Variants in SCML4 observed in about 807,000 individuals in gnomAD.
SCML4 encodes the protein Scm polycomb group protein like 4, also known as sex comb on midleg-like protein 4.
A neutral mutation model predicts 41.1 loss-of-function variants in SCML4; 34 were observed. The ratio of observed to expected loss-of-function variants is 0.83; its 90% CI spans 0.63 to 1.10. SCML4 has a LOEUF of 1.10. SCML4 is among the 50% of genes least tolerant of loss of function. The pLI is 0.00. For synonymous variants in SCML4, 214 were observed against 220.9 expected, an observed-to-expected ratio of 0.97 and a Z score of 0.28; for missense variants, 522 against 534.1, an observed-to-expected ratio of 0.98 and a Z score of 0.22.
At chr6:107,752,202 T>TTTG (rs754815681) in intron 2 of SCML4, among the ~76,000 whole-genome samples, 12 of 152,144 alleles carry the variant, frequency 7.9e-5, no homozygotes, top group East Asian at 5.8e-4. Flanking sequence ...GAGTAGTTTT[T>TTTG]TTGTTGTTGT....
At chr6:107,715,594 A>G (rs1029424617) in intron 6 of SCML4, among the ~76,000 whole-genome samples, 4 of 152,198 alleles carry the variant, frequency 2.6e-5, no homozygotes, top group African/African-American at 9.7e-5. Flanking sequence ...TATATCTTGG[A>G]TGAGAGACAA....
chr6:107,745,167 C>G (rs371356387), intron 4 of SCML4, 24 bp from the exon 5 acceptor site: 91 of 1,523,908 alleles, frequency 6.0e-5, no homozygotes, highest in Admixed American at 1.0e-4. Context: ...GAGATGTCAG[C>G]TTAGAGCCGG....
chr6:107,728,832 G>A (rs1003783648), intron 5 of SCML4, among the ~76,000 whole-genome samples: 1 of 152,192 alleles, frequency 6.6e-6, no homozygotes, highest in African/African-American at 2.4e-5. Context: ...CCAAGCCCCA[G>A]ATGTGGCTCT....
rs868813995 is a variant in SCML4 at position 107,778,246 on chromosome 6, T to C, written c.-59-5860A>G. Among the ~76,000 whole-genome samples the C allele has an allele frequency of 7.3e-5, 4 of 54,636 alleles. 1 individual carries two copies. Among genetic ancestry groups the C allele is most frequent in the African/African-American group, 2.3e-4 (4 of 17,164 alleles). 35.8% of individuals were successfully genotyped at this position (54,636 alleles called of 152,430 possible). A position where few individuals can be genotyped will look rare whatever the true frequency, so the allele number is the denominator to read the frequency against. ...AAATATATATATATATATATATATA[T>C]ATATATATATATATATATAACTTGA... On this transcript the variant is annotated intron_variant, in intron 1 of 7. Transcript: ENST00000369020.
intron 2 of SCML4, among the ~76,000 whole-genome samples, chr6:107,759,172 C>CA (rs1248495537): frequency 6.6e-4 from 72 of 109,516 alleles, no homozygotes; most frequent in Middle Eastern, 8.9e-3. Flanking sequence ...CAAAACAAAA[C>CA]AAAAAAAAAC....
At chr6:107,743,429 T>C (rs1231068514) in intron 5 of SCML4, among the ~76,000 whole-genome samples, 1 of 152,226 alleles carries the variant, frequency 6.6e-6, no homozygotes, top group African/African-American at 2.4e-5. Flanking sequence ...AATGTAACAA[T>C]GAGGCAAGCA....
chr6:107,815,955 ACCTGCCGGACCTGCAGCAGC>A (rs1784526940), intron 1 of SCML4, among the ~76,000 whole-genome samples: 1 of 152,226 alleles, frequency 6.6e-6, no homozygotes, highest in Non-Finnish European at 1.5e-5. Flanking sequence ...CCTTTCTGGA[ACCTGCCGGACCTGCAGCAGC>A]CCTGCCAGGC....
At chr6:107,748,238 T>C (rs1467184088) in intron 3 of SCML4, among the ~76,000 whole-genome samples, 2 of 152,146 alleles carry the variant, frequency 1.3e-5, no homozygotes, top group Non-Finnish European at 2.9e-5. Flanking sequence ...TAATGACCCC[T>C]CTTGTGTATC....
At position 107,720,819 on chromosome 6, in the gene SCML4, G is replaced by A; in HGVS notation, c.857C>T (p.Thr286Ile). ...GGGGCTAGTGCGGGGACCACCAGCG[G>A]TGGCAGCAGGACCACCCCCAAGGTG... The part of the protein sequence containing the change: ...DSHLGGGPAA[T>I]AGGPRTSPMS... The change falls in exon 6 of 8, where the codon ACC becomes ATC. Residue 286 changes from threonine to isoleucine, a missense_variant. Coordinates refer to ENST00000369020, the MANE Select transcript of SCML4 (RefSeq NM_198081.5). The A allele has an allele frequency of 1.2e-6, 2 of 1,614,116 alleles. No homozygotes were observed. Among genetic ancestry groups the A allele is most frequent in the Non-Finnish European group, 1.7e-6 (2 of 1,179,976 alleles).
chr6:107,717,608 C>T lies in SCML4; in HGVS notation c.973+3095G>A, dbSNP rs145675134. Among the ~76,000 whole-genome samples, 860 of 152,222 alleles carry T rather than the reference C, an allele frequency of 5.6e-3. 6 individuals carry two copies. Among genetic ancestry groups the T allele is most frequent in the Non-Finnish European group, 9.2e-3 (624 of 68,016 alleles). On this transcript the variant is annotated intron_variant, in intron 6 of 7. Transcript: ENST00000369020. ...TGTTGCCCAGGCTGGAGTGCAGTGG[C>T]GCAATCTCTGCTCACTGCAACCTCC...
intron 5 of SCML4, among the ~76,000 whole-genome samples, chr6:107,721,982 C>CTTTT (rs10649065): frequency 3.7e-5 from 5 of 135,952 alleles, no homozygotes; most frequent in Admixed American, 1.5e-4. Context: ...ACTTATCATA[C>CTTTT]TTTTTTTTTT....
the SCML4 span, among the ~76,000 whole-genome samples, chr6:107,833,083 A>G: frequency 6.6e-6 from 1 of 152,210 alleles, no homozygotes; most frequent in African/African-American, 2.4e-5. Flanking sequence ...ATATTGGGAT[A>G]TAAGAGGCAG....
At chr6:107,713,011 T>A (rs1343217596) in intron 6 of SCML4, among the ~76,000 whole-genome samples, 2 of 152,220 alleles carry the variant, frequency 1.3e-5, no homozygotes, top group East Asian at 3.8e-4. Flanking sequence ...GCCAGAGGCA[T>A]GTGAAAAGTG....
At chr6:107,753,049 A>G (rs1178431459) in intron 2 of SCML4, among the ~76,000 whole-genome samples, 2 of 152,252 alleles carry the variant, frequency 1.3e-5, no homozygotes, top group Non-Finnish European at 2.9e-5. Flanking sequence ...AGCCATAGCA[A>G]AGGAACAAAG....
the SCML4 span, among the ~76,000 whole-genome samples, chr6:107,843,378 C>T: frequency 6.6e-6 from 1 of 152,130 alleles, no homozygotes; most frequent in African/African-American, 2.4e-5. Context: ...TGTTCCACTG[C>T]CCCTTTAAAG....
the SCML4 span, among the ~76,000 whole-genome samples, chr6:107,839,502 T>C: frequency 6.6e-6 from 1 of 152,026 alleles, no homozygotes; most frequent in Admixed American, 6.6e-5. Context: ...ACTAAAAACA[T>C]GGTTGCCATT....
intron 2 of SCML4, among the ~76,000 whole-genome samples, chr6:107,769,957 G>A (rs1029761821): frequency 6.6e-6 from 1 of 152,146 alleles, no homozygotes; most frequent in Admixed American, 6.6e-5. Context: ...GTTAGACCAA[G>A]TAATATCTTA....
chr6:107,733,021 C>A (rs1003605769), intron 5 of SCML4, among the ~76,000 whole-genome samples: 25 of 152,148 alleles, frequency 1.6e-4, no homozygotes, highest in African/African-American at 6.0e-4. Context: ...ACCCATCTGG[C>A]AACAAACCAA....
intron 1 of SCML4, among the ~76,000 whole-genome samples, chr6:107,801,927 G>T (rs1243484748): frequency 1.4e-5 from 2 of 145,786 alleles, no homozygotes; most frequent in African/African-American, 2.8e-5. Flanking sequence ...ACCACACCTG[G>T]CTAATTTTTT....
Sources: allele counts gnomAD v4.1 joint callset (sites outside exome capture counted in the v4.1 genomes callset), GRCh38; gene constraint gnomAD v4.1.1; transcripts MANE v1.5; gene names NCBI Gene and HGNC (gene_info 2026-07-23, HGNC 2026-07-21).